Variants in TTN observed in about 807,000 individuals in gnomAD.
TTN encodes connectin.
In TTN, 1,525 loss-of-function variants were observed where a neutral mutation model predicts 3,223.0. That is an observed-to-expected ratio of 0.47 (90% CI 0.45 to 0.49). The LOEUF (loss-of-function observed/expected upper bound fraction) is 0.49, where lower values mean the gene tolerates loss of function less well. TTN is among the 20% of genes least tolerant of loss of function. TTN has a pLI of 0.00. For synonymous variants in TTN, 14,094 were observed against 15,161.0 expected, an observed-to-expected ratio of 0.93 and a Z score of 5.17; for missense variants, 40,786 against 43,424.0, an observed-to-expected ratio of 0.94 and a Z score of 5.40.
In TTN at chr2:178,795,093, C is replaced by A; in HGVS notation, c.1074G>T (p.Glu358Asp). 1.1e-5 allele frequency: 17 copies of A among 1,614,070 alleles called. No individual in the cohort carries two copies. Among genetic ancestry groups the A allele is most frequent in the Non-Finnish European group, 1.4e-5 (17 of 1,180,020 alleles). The change falls in exon 7 of 363, where the codon GAG (glutamate) becomes GAT (aspartate). Residue 358 changes from glutamate (E) to aspartate (D), a missense_variant. Glu to Asp is a conservative substitution (Grantham distance 45, BLOSUM62 2). Transcript: ENST00000589042. ...AGGTTGTCAGCGTTGTCTCTCTCAT[C>A]TCAGCCTCAGATGAGGAGGCCACGT... ...EGYVASSSEAEMRETTLTTST... is the reference protein window; with the variant it reads ...EGYVASSSEADMRETTLTTST...
At position 178,768,735 on chromosome 2, in the gene TTN, T is replaced by A; in HGVS notation, c.9101A>T (p.Asp3034Val). ...SLNIRNVHFG[D>V]AADYTFVAGK... The stretch of plus-strand genomic sequence containing the variant: ...AGCCACAAAGGTGTAGTCAGCAGCA[T>A]CCCCAAAGTGAACATTCCTGATGTT... Residue 3034 changes from aspartate to valine, a missense_variant, in exon 38 of 363, where the codon GAT becomes GTT. Asp to Val is a radical substitution (Grantham distance 152). Transcript: ENST00000589042. The A allele has an allele frequency of 1.2e-6, 2 of 1,614,120 alleles. No homozygotes were observed.
At chr2:178,607,355 G>A in intron 277 of TTN, 41 bp from the exon 278 acceptor site, 1 of 1,612,574 alleles carries the variant, frequency 6.2e-7, no homozygotes, top group Non-Finnish European at 8.5e-7. Flanking sequence ...TAATAAGATA[G>A]TATCACTTGG....
Position 178,589,944 on chromosome 2 carries a change from A to T in TTN, c.61781T>A (p.Leu20594Gln). ...ENCTISWENP[L>Q]DNGGSEITNF... is the part of the protein sequence containing the mutation. ...TGTTATTTCTGAGCCACCATTATCTAGTGGGTTTTCCCAAGAAATTGTACA... is the reference window on the plus strand; with the variant it reads ...TGTTATTTCTGAGCCACCATTATCTTGTGGGTTTTCCCAAGAAATTGTACA... Residue 20594 changes from leucine to glutamine, a missense_variant, in exon 304 of 363, where the codon CTA becomes CAA. Transcript: ENST00000589042. The T allele has an allele frequency of 6.2e-7, 1 of 1,613,212 alleles. No homozygotes were observed. Among genetic ancestry groups the T allele is most frequent in the Non-Finnish European group, 8.5e-7 (1 of 1,179,518 alleles).
intron 43 of TTN, among the ~76,000 whole-genome samples, chr2:178,760,459 G>C (rs199674901): frequency 3.9e-5 from 6 of 152,274 alleles, no homozygotes; most frequent in East Asian, 3.9e-4. Flanking sequence ...GAACCCGGGA[G>C]GGGGAGGTTG....
chr2:178,713,838 T>A, intron 92 of TTN, 59 bp downstream of exon 92: 3 of 1,573,178 alleles, frequency 1.9e-6, no homozygotes, highest in African/African-American at 1.4e-5. Context: ...TATACATTTA[T>A]GAAAATCAGG....
chr2:178,750,965 G>A (rs1208551653), intron 47 of TTN: 4 of 1,612,794 alleles, frequency 2.5e-6, no homozygotes, highest in Non-Finnish European at 3.4e-6. Flanking sequence ...CTTTACCAGT[G>A]CTTCTTGGCT....
At chr2:178,644,736 C>T in intron 217 of TTN, 120 bp from the exon 218 acceptor site, 2 of 676,890 alleles carry the variant, frequency 3.0e-6, no homozygotes, top group Non-Finnish European at 4.7e-6. Flanking sequence ...TTAATAACAG[C>T]CAAGAACAGC....
Position 178,549,454 on chromosome 2 carries a change from G to C in TTN, c.92172C>G (p.Gly30724=). The C allele has an allele frequency of 4.4e-6, 7 of 1,605,568 alleles. No individual in the cohort carries two copies. The highest frequency in any genetic ancestry group is 6.0e-6 in the Non-Finnish European group (7 of 1,174,188). Residue 30724 remains glycine, a synonymous_variant, in exon 339 of 363, where the codon GGC becomes GGG. Coordinates refer to ENST00000589042, the MANE Select transcript of TTN (RefSeq NM_001267550.2). ...QIQYTVPDAP[G]IPEPSNITGN... Reference sequence around the variant, plus strand: ...CTGTTATGTTGCTAGGTTCTGGAATGCCAGGGGCATCAGGAACAGCTGTAA... The same window carrying C: ...CTGTTATGTTGCTAGGTTCTGGAATCCCAGGGGCATCAGGAACAGCTGTAA...
At position 178,607,608 on chromosome 2, in the gene TTN, C is replaced by T; in HGVS notation, c.53080G>A (p.Ala17694Thr). 1 of 1,613,112 alleles carries T rather than the reference C, an allele frequency of 6.2e-7. No individual in the cohort carries two copies. Among genetic ancestry groups the T allele is most frequent in the African/African-American group, 1.3e-5 (1 of 74,984 alleles). Residue 17694 changes from alanine to threonine, a missense_variant, in exon 277 of 363, where the codon GCT (alanine) becomes ACT (threonine). Coordinates refer to ENST00000589042, the MANE Select transcript of TTN (RefSeq NM_001267550.2). ...IMAGKTLRIP[A>T]VVTGRPVPTK... ...GGTACAGGGCGACCAGTCACCACAGCTGGAATTCTAAGAGTCTTCCCAGCC... is the reference window on the plus strand; with the variant it reads ...GGTACAGGGCGACCAGTCACCACAGTTGGAATTCTAAGAGTCTTCCCAGCC...
At position 178,718,034 on chromosome 2, in the gene TTN, G is replaced by A. The variant is rs879030954; in HGVS notation, c.24972C>T (p.Asn8324=). 6.2e-7 allele frequency: 1 copy of A among 1,613,642 alleles called. No individual in the cohort carries two copies. The highest frequency in any genetic ancestry group is 2.2e-5 in the East Asian group (1 of 44,888). Residue 8324 remains asparagine (N), a synonymous_variant, in exon 86 of 363, where the codon AAC becomes AAT. Transcript: ENST00000589042. ...CTCCCACATCACTGTGATCCACTTT[G>A]TTGATTACTAAGGAAGCAACGTTAT... ...FKNNVASLVI[N]KVDHSDVGEY...
rs973128968 is a variant in TTN at position 178,789,263 on chromosome 2, G to T, written c.2076+97C>A. ...GTGACTCATACATAAGAAATTCAGA[G>T]ACTTGATATTAATGTATTACAATAA... On this transcript the variant is annotated intron_variant, in intron 13 of 362. Coordinates refer to ENST00000589042, the MANE Select transcript of TTN (RefSeq NM_001267550.2). 21 of 1,513,048 alleles carry T rather than the reference G, an allele frequency of 1.4e-5. No homozygotes were observed. The African/African-American group carries it at 2.8e-4, about 20-fold the overall frequency. 93.7% of individuals were successfully genotyped at this position (1,513,048 alleles called of 1,614,324 possible).
In TTN at chr2:178,667,664, T is replaced by C; in HGVS notation, c.35603A>G (p.Gln11868Arg). Residue 11868 changes from glutamine to arginine, a missense_variant, in exon 160 of 363, where the codon CAA (glutamine) becomes CGA (arginine). By Grantham distance (43) the Gln-to-Arg change is conservative. Coordinates refer to ENST00000589042, the MANE Select transcript of TTN (RefSeq NM_001267550.2). ...LEEKVLVTQP[Q>R]KTKPKLAKVP... ...TTTTGCTAGTTTGGGTTTTGTCTTTTGAGGTTGAGTCACAAGTACTTTTTC... is the reference window on the plus strand; with the variant it reads ...TTTTGCTAGTTTGGGTTTTGTCTTTCGAGGTTGAGTCACAAGTACTTTTTC... The C allele has an allele frequency of 3.1e-6, 5 of 1,597,426 alleles. No homozygotes were observed. Among genetic ancestry groups the C allele is most frequent in the Non-Finnish European group, 4.2e-6 (5 of 1,179,262 alleles).
chr2:178,535,644 A>G lies in TTN; in HGVS notation c.100971T>C (p.Asn33657=), dbSNP rs747456613. 6.2e-7 allele frequency: 1 copy of G among 1,613,766 alleles called. No individual in the cohort carries two copies. The highest frequency in any genetic ancestry group is 8.5e-7 in the Non-Finnish European group (1 of 1,179,764). Residue 33657 remains asparagine, a synonymous_variant, in exon 358 of 363, where the codon AAT becomes AAC. Transcript: ENST00000589042. ...TRSFTSLVFP[N]GVERKDAGFY... ...AACCAGCATCTTTTCTCTCTACCCC[A>G]TTGGGGAAAACAAGTGATGTGAAGG... is the stretch of plus-strand genomic sequence containing the variant.
intron 311 of TTN, 66 bp from the exon 312 acceptor site, chr2:178,583,972 C>T: frequency 7.1e-7 from 1 of 1,406,686 alleles, no homozygotes. Flanking sequence ...CCATATTTCA[C>T]ATTATCATCC....
chr2:178,695,279 AT>A lies in TTN; in HGVS notation c.31270+68del. 3 of 1,266,696 alleles carry A rather than the reference AT, an allele frequency of 2.4e-6. No homozygotes were observed. In the South Asian group the frequency reaches 4.0e-5, roughly 17 times the overall value. The allele number at this position is 1,266,696 out of a possible 1,614,324, so 78.5% of individuals were successfully genotyped here. ...ATTGGATTGAACTGCTGATTTATAC[AT>A]TGCTGCCAAACAAGCCATGATAATG... On this transcript the variant is annotated intron_variant, in intron 115 of 362. Transcript: ENST00000589042.
At position 178,729,842 on chromosome 2, in the gene TTN, C is replaced by T; in HGVS notation, c.18411G>A (p.Val6137=). Residue 6137 remains valine, a synonymous_variant, in exon 63 of 363, where the codon GTG becomes GTA. Transcript: ENST00000589042. ...TTTCATTCCCGTCTAGATACCAAGA[C>T]ACTCGGATTTTAGGAGTGCCTGTTA... ...CQITGTPKIR[V]SWYLDGNEIT... The T allele has an allele frequency of 6.2e-7, 1 of 1,613,694 alleles. No homozygotes were observed. Among genetic ancestry groups the T allele is most frequent in the Non-Finnish European group, 8.5e-7 (1 of 1,179,744 alleles).
At position 178,673,672 on chromosome 2, in the gene TTN, T is replaced by G. The variant is rs1382663852; in HGVS notation, c.34747A>C (p.Thr11583Pro). The change falls in exon 152 of 363, where the codon ACT becomes CCT. Residue 11583 changes from threonine to proline, a missense_variant. Transcript: ENST00000589042. ...GCCTCCACTTTTTTAGGAACAGGAG[T>G]AGGTGCTTCAGGTACTGCTTTCTTA... ...VIKKAVPEAP[T>P]PVPKKVEAPP... The G allele has an allele frequency of 6.3e-7, 1 of 1,593,198 alleles. No homozygotes were observed. The highest frequency in any genetic ancestry group is 2.3e-5 in the East Asian group (1 of 43,860).
At chr2:178,606,947 C>A (rs564267607) in intron 278 of TTN, 74 bp downstream of exon 278, 132 of 1,519,318 alleles carry the variant, frequency 8.7e-5, no homozygotes, top group Middle Eastern at 8.1e-4. Flanking sequence ...GAGTTTGAAG[C>A]CATAAAGCTC....
rs192871118 is a variant in TTN at position 178,708,155 on chromosome 2, G to A, written c.28754-342C>T. Among the ~76,000 whole-genome samples, 454 of 152,180 alleles carry A rather than the reference G, an allele frequency of 3.0e-3. 2 individuals are homozygous for A. Among genetic ancestry groups the A allele is most frequent in the African/African-American group, 0.01 (420 of 41,512 alleles). ...TAATTCTCTCAAACCTGTGTACAGCGGTGTTTTTGCTGAACCCTGAAAATG... is the reference window on the plus strand; with the variant it reads ...TAATTCTCTCAAACCTGTGTACAGCAGTGTTTTTGCTGAACCCTGAAAATG... On this transcript the variant is annotated intron_variant, in intron 99 of 362. Coordinates refer to ENST00000589042, the MANE Select transcript of TTN (RefSeq NM_001267550.2).
Sources: allele counts gnomAD v4.1 joint callset (sites outside exome capture counted in the v4.1 genomes callset), GRCh38; gene constraint gnomAD v4.1.1; transcripts MANE v1.5; gene names NCBI Gene and HGNC (gene_info 2026-07-23, HGNC 2026-07-21).